KCNQ5: variants seen among roughly 807,000 people sequenced by gnomAD.
The protein encoded by KCNQ5 is potassium voltage-gated channel subfamily KQT member 5.
In KCNQ5, 30 loss-of-function variants were observed where a neutral mutation model predicts 98.2. That is an observed-to-expected ratio of 0.31 (90% confidence interval 0.23 to 0.41). The LOEUF (loss-of-function observed/expected upper bound fraction) is 0.41, where lower values mean the gene tolerates loss of function less well. Ranked by LOEUF, KCNQ5 falls within the 10% of genes least tolerant of loss-of-function variation. The pLI is 1.00. For missense variants in KCNQ5, 835 were observed against 1,182.5 expected, an observed-to-expected ratio of 0.71 and a Z score of 4.31; for synonymous variants, 458 against 449.4, an observed-to-expected ratio of 1.02 and a Z score of -0.24.
intron 1 of KCNQ5, among the ~76,000 whole-genome samples, chr6:72,677,535 T>C (rs531713573): frequency 1.3e-5 from 2 of 152,234 alleles, no homozygotes; most frequent in Non-Finnish European, 2.9e-5. Context: ...AACATTTTAC[T>C]CATGCTTGCC....
At chr6:72,932,533 A>G (rs1419031831) in intron 1 of KCNQ5, among the ~76,000 whole-genome samples, 4 of 152,262 alleles carry the variant, frequency 2.6e-5, no homozygotes, top group Non-Finnish European at 5.9e-5. Context: ...ATTTAAAATT[A>G]TAATAGATGC....
chr6:73,014,077 A>G (rs901030955), intron 2 of KCNQ5, among the ~76,000 whole-genome samples: 35 of 152,116 alleles, frequency 2.3e-4, no homozygotes, highest in African/African-American at 8.2e-4. Context: ...GAGTTCTCCT[A>G]TTTCCAGGTT....
intron 3 of KCNQ5, among the ~76,000 whole-genome samples, chr6:73,052,625 T>C (rs1380155830): frequency 6.6e-6 from 1 of 152,238 alleles, no homozygotes; most frequent in Non-Finnish European, 1.5e-5. Context: ...AAGAATTTCA[T>C]ATCCAGCCAA....
At chr6:72,670,311 TTTTC>T (rs1435290144) in intron 1 of KCNQ5, among the ~76,000 whole-genome samples, 1 of 152,174 alleles carries the variant, frequency 6.6e-6, no homozygotes, top group Non-Finnish European at 1.5e-5. Context: ...AGCTCTCCTC[TTTTC>T]TTTGTGAGCT....
chr6:72,985,658 C>T (rs1768734048), intron 1 of KCNQ5, among the ~76,000 whole-genome samples: 1 of 152,170 alleles, frequency 6.6e-6, no homozygotes, highest in Non-Finnish European at 1.5e-5. Context: ...TCAAAAACAA[C>T]AGATGCTGGT....
chr6:72,667,183 GCTAGCT>G (rs371050570), intron 1 of KCNQ5, among the ~76,000 whole-genome samples: 63 of 152,038 alleles, frequency 4.1e-4, no homozygotes, highest in African/African-American at 1.5e-3. Flanking sequence ...AAATCTTTAG[GCTAGCT>G]CAGCTCAAAA....
intron 1 of KCNQ5, among the ~76,000 whole-genome samples, chr6:72,754,307 T>TAATATGC (rs1771845866): frequency 6.6e-6 from 1 of 152,288 alleles, no homozygotes; most frequent in South Asian, 2.1e-4. Context: ...TAGTTGTTGT[T>TAATATGC]AATATGCTGA....
At chr6:72,879,748 G>A (rs909051856) in intron 1 of KCNQ5, among the ~76,000 whole-genome samples, 8 of 151,924 alleles carry the variant, frequency 5.3e-5, no homozygotes, top group East Asian at 1.9e-4. Flanking sequence ...TCATTTGGAG[G>A]GGTTTTTTTG....
rs2098916060 is a variant in KCNQ5 at position 72,622,774 on chromosome 6, C to G, written c.398+187C>G. 6.6e-6 allele frequency among the ~76,000 whole-genome samples: 1 copy of G among 152,178 alleles called. No homozygotes were observed. Among genetic ancestry groups the G allele is most frequent in the African/African-American group, 2.4e-5 (1 of 41,456 alleles). On this transcript the variant is annotated intron_variant, in intron 1 of 13. Transcript: ENST00000370398. The surrounding 1 kb of genome is among the most constrained non-coding windows in gnomAD (Gnocchi z 6.0). ...CCTCCCCCAGCCCCACTTCTCTCAT[C>G]TCTACAGCTTGAACCTTTTCCCCGA...
chr6:73,088,992 G>A (rs1774115278), intron 5 of KCNQ5, among the ~76,000 whole-genome samples: 1 of 152,046 alleles, frequency 6.6e-6, no homozygotes, highest in Non-Finnish European at 1.5e-5. Flanking sequence ...GCTTCTAAAA[G>A]CACTACTCTG....
intron 1 of KCNQ5, among the ~76,000 whole-genome samples, chr6:72,653,509 A>G (rs1364665951): frequency 6.6e-6 from 1 of 152,084 alleles, no homozygotes; most frequent in Non-Finnish European, 1.5e-5. Flanking sequence ...ATTTTTACCA[A>G]TGACATTATT....
intron 1 of KCNQ5, among the ~76,000 whole-genome samples, chr6:72,639,418 C>T (rs2098925985): frequency 6.6e-6 from 1 of 152,134 alleles, no homozygotes; most frequent in Non-Finnish European, 1.5e-5. Flanking sequence ...GTTAGGAGGA[C>T]ATCCAATTTC....
intron 1 of KCNQ5, among the ~76,000 whole-genome samples, chr6:72,758,873 C>T (rs1772108256): frequency 6.6e-6 from 1 of 152,074 alleles, no homozygotes. Context: ...AGAGGTCTTA[C>T]TAACTTGGCT....
At chr6:73,027,121 G>C (rs901831189) in intron 2 of KCNQ5, among the ~76,000 whole-genome samples, 2 of 152,160 alleles carry the variant, frequency 1.3e-5, no homozygotes, top group African/African-American at 2.4e-5. Flanking sequence ...GTATCAAGGA[G>C]AAAGAGGCAA....
chr6:73,070,631 G>T (rs1773260622), intron 3 of KCNQ5, among the ~76,000 whole-genome samples: 1 of 152,188 alleles, frequency 6.6e-6, no homozygotes, highest in South Asian at 2.1e-4. Context: ...TTCAGCACAT[G>T]GTTTCTAAGG....
intron 5 of KCNQ5, among the ~76,000 whole-genome samples, chr6:73,079,419 A>G (rs1167267281): frequency 6.6e-6 from 1 of 152,242 alleles, no homozygotes; most frequent in Non-Finnish European, 1.5e-5. Flanking sequence ...AGTGAAGCAC[A>G]GAGTTACCAA....
intron 1 of KCNQ5, among the ~76,000 whole-genome samples, chr6:72,892,139 C>T (rs924193092): frequency 2.0e-5 from 3 of 152,220 alleles, no homozygotes; most frequent in East Asian, 1.9e-4. Context: ...AAAGGAAAAC[C>T]ATTAACATTT....
intron 1 of KCNQ5, among the ~76,000 whole-genome samples, chr6:72,825,934 T>A (rs1252478091): frequency 6.6e-6 from 1 of 152,148 alleles, no homozygotes; most frequent in African/African-American, 2.4e-5. Context: ...ATTTGGGATC[T>A]AGAAGGCCAA....
intron 9 of KCNQ5, chr6:73,129,999 A>G (rs1355229771): frequency 1.6e-6 from 1 of 639,020 alleles, no homozygotes; most frequent in African/African-American, 1.8e-5. Context: ...ACCCGCTTGA[A>G]ATTTTCCTTG....
Sources: allele counts gnomAD v4.1 joint callset (sites outside exome capture counted in the v4.1 genomes callset), GRCh38; gene constraint gnomAD v4.1.1; non-coding constraint Gnocchi (gnomAD v3.1); transcripts MANE v1.5; gene names NCBI Gene and HGNC (gene_info 2026-07-23, HGNC 2026-07-21).